Variants in COL4A6 observed in about 807,000 individuals in gnomAD.
COL4A6 encodes collagen type IV alpha 6 chain.
A neutral mutation model predicts 126.7 loss-of-function variants in COL4A6; 59 were observed. The ratio of observed to expected loss-of-function variants is 0.47; its 90% CI spans 0.38 to 0.58. The LOEUF (loss-of-function observed/expected upper bound fraction) is 0.58. COL4A6 is among the 20% of genes least tolerant of loss of function. COL4A6 has a pLI of 0.00. For synonymous variants in COL4A6, 547 were observed against 496.6 expected (o/e 1.10, Z -1.35); for missense variants, 1,285 against 1,337.3 (o/e 0.96, Z 0.61).
intron 13 of COL4A6, among the ~76,000 whole-genome samples, chrX:108,198,806 G>A (rs968712472): frequency 9.0e-5 from 10 of 111,313 alleles, no homozygotes; most frequent in Admixed American, 6.6e-4. Flanking sequence ...CTACCTAGTA[G>A]TTACCCCTAC....
At position 108,310,380 on chromosome X, in the gene COL4A6, A is replaced by ATTGGAACACC. The variant is rs752400854; in HGVS notation, c.144+358_144+367dup. On this transcript the variant is annotated intron_variant, in intron 3 of 44. Transcript: ENST00000334504. ...TCACATCCACAGTCTGTAGATAACAATTGGAACACCTGTTCCCCAGACTGG... is the reference window on the plus strand; with the variant it reads ...TCACATCCACAGTCTGTAGATAACAATTGGAACACCTTGGAACACCTGTTCCCCAGACTGG... Among the ~76,000 whole-genome samples, 38 of 112,232 alleles carry ATTGGAACACC rather than the reference A, an allele frequency of 3.4e-4. 1 individual carries two copies. The highest frequency in any genetic ancestry group is 1.2e-3 in the African/African-American group (36 of 30,953).
chrX:108,434,293 ATT>A (rs1033942220), intron 2 of COL4A6, among the ~76,000 whole-genome samples: 1 of 106,902 alleles, frequency 9.4e-6, no homozygotes, highest in East Asian at 3.0e-4. Context: ...TTAGAATACT[ATT>A]TTTTTTTTCC....
At chrX:108,409,577 A>C (rs1391510829) in intron 2 of COL4A6, among the ~76,000 whole-genome samples, 1 of 111,715 alleles carries the variant, frequency 9.0e-6, no homozygotes, top group Non-Finnish European at 1.9e-5. Flanking sequence ...GAAGTGGAAA[A>C]GCTGGAATAG....
intron 3 of COL4A6, among the ~76,000 whole-genome samples, chrX:108,262,341 G>A (rs1602953020): frequency 9.0e-6 from 1 of 111,223 alleles, no homozygotes; most frequent in East Asian, 2.8e-4. Flanking sequence ...TGAAGAGCTG[G>A]TCCTCTCAAC....
intron 2 of COL4A6, among the ~76,000 whole-genome samples, chrX:108,386,830 A>T (rs1476089733): frequency 8.9e-6 from 1 of 111,919 alleles, no homozygotes; most frequent in Non-Finnish European, 1.9e-5. Context: ...GCTTTCTTCT[A>T]GGGTTTTTAT....
chrX:108,245,250 A>G (rs1220578155), intron 3 of COL4A6, among the ~76,000 whole-genome samples: 2 of 112,162 alleles, frequency 1.8e-5, no homozygotes, highest in Non-Finnish European at 3.8e-5. Context: ...CTGCAGTTTG[A>G]TCCTCCTTCC....
intron 13 of COL4A6, among the ~76,000 whole-genome samples, chrX:108,197,321 A>C (rs762862552): frequency 6.3e-5 from 7 of 111,819 alleles, no homozygotes; most frequent in Non-Finnish European, 1.1e-4. Context: ...CAAGAAGCAG[A>C]GTGAGTAAGA....
At chrX:108,188,428 G>A (rs1352042975) in intron 21 of COL4A6, 89 bp downstream of exon 21, 3 of 917,156 alleles carry the variant, frequency 3.3e-6, no homozygotes, top group Non-Finnish European at 4.3e-6. Flanking sequence ...CATCTCTCTT[G>A]TATGTGCTTT....
At chrX:108,195,261 A>C in intron 14 of COL4A6, 135 bp from the exon 15 acceptor site, 1 of 397,956 alleles carries the variant, frequency 2.5e-6, no homozygotes, top group Non-Finnish European at 4.3e-6. Flanking sequence ...ATGTTCCTAG[A>C]CCTAGCTTAA....
intron 22 of COL4A6, 81 bp downstream of exon 22, chrX:108,187,767 T>C: frequency 1.1e-6 from 1 of 942,085 alleles, no homozygotes; most frequent in South Asian, 3.1e-5. Context: ...CCCTGTTTCA[T>C]GGTCCAGTGG....
At chrX:108,221,958 T>C (rs138976399) in intron 3 of COL4A6, among the ~76,000 whole-genome samples, 1 of 112,578 alleles carries the variant, frequency 8.9e-6, no homozygotes, top group African/African-American at 3.2e-5. Context: ...CACATGCACA[T>C]ATACACACAT....
rs1269065807 is a variant in COL4A6 at position 108,169,635 on chromosome X, A to G, written c.3566-15T>C. The G allele has an allele frequency of 2.9e-5, 35 of 1,200,253 alleles. No homozygotes were observed. Among genetic ancestry groups the G allele is most frequent in the Non-Finnish European group, 3.8e-5 (34 of 889,920 alleles). On this transcript the variant is annotated splice_polypyrimidine_tract_variant and intron_variant, in intron 36 of 44. Transcript: ENST00000334504. ...GATACTAGGTCCTAGGAGGAGATGC[A>G]GGGGTAGGGGGCAGACCTCAGTGGA...
Position 108,199,624 on chromosome X carries a change from GAAA to G in COL4A6, c.835-3048_835-3046del, listed in dbSNP as rs758181254. On this transcript the variant is annotated intron_variant, in intron 13 of 44. Coordinates refer to ENST00000334504, the MANE Select transcript of COL4A6 (RefSeq NM_033641.4). Reference sequence around the variant, plus strand: ...CTGAAACACTGGAAATACTGAGTTTGAAATGGTACTGCAATTTATCACCGTGCA... The same window carrying G: ...CTGAAACACTGGAAATACTGAGTTTGTGGTACTGCAATTTATCACCGTGCA... Among the ~76,000 whole-genome samples the G allele has an allele frequency of 3.6e-5, 4 of 111,882 alleles. No individual in the cohort carries two copies. The East Asian group carries it at 1.1e-3, about 32-fold the overall frequency.
chrX:108,162,256 G>A (rs555943170), intron 41 of COL4A6, among the ~76,000 whole-genome samples: 34 of 110,349 alleles, frequency 3.1e-4, no homozygotes, highest in Admixed American at 1.2e-3. Flanking sequence ...AGGCTGAGGC[G>A]GGAGAATCAC....
Position 108,217,775 on chromosome X carries a change from A to G in COL4A6, c.324+1923T>C, listed in dbSNP as rs749483106. Among the ~76,000 whole-genome samples the G allele has an allele frequency of 1.3e-4, 14 of 111,926 alleles. No homozygotes were observed. In the South Asian group the frequency reaches 5.3e-3, roughly 43 times the overall value. Reference sequence around the variant, plus strand: ...ACAAGAAAGTGGGATTTTATGGAGTAATGAGGTTTGGAGCCTGCAGCTAGG... The same window carrying G: ...ACAAGAAAGTGGGATTTTATGGAGTGATGAGGTTTGGAGCCTGCAGCTAGG... On this transcript the variant is annotated intron_variant, in intron 5 of 44. Coordinates refer to ENST00000334504, the MANE Select transcript of COL4A6 (RefSeq NM_033641.4).
chrX:108,300,398 G>T (rs776842811), intron 3 of COL4A6, among the ~76,000 whole-genome samples: 2 of 100,775 alleles, frequency 2.0e-5, no homozygotes, highest in South Asian at 9.6e-4. Flanking sequence ...GTGTGTGTGT[G>T]TATTCAGGAA....
At chrX:108,373,725 C>A (rs995530242) in intron 2 of COL4A6, among the ~76,000 whole-genome samples, 2 of 111,892 alleles carry the variant, frequency 1.8e-5, no homozygotes, top group African/African-American at 6.5e-5. Context: ...ATCAGTCAAG[C>A]CTGTCACCTT....
intron 2 of COL4A6, among the ~76,000 whole-genome samples, chrX:108,406,915 G>T (rs2041218784): frequency 9.0e-6 from 1 of 111,621 alleles, no homozygotes; most frequent in Non-Finnish European, 1.9e-5. Context: ...AACTAATATG[G>T]GTGATGGTGA....
chrX:108,329,096 G>A (rs771299864), intron 2 of COL4A6, among the ~76,000 whole-genome samples: 9 of 111,333 alleles, frequency 8.1e-5, no homozygotes, highest in Non-Finnish European at 1.3e-4. Context: ...GAGAGAAGTT[G>A]GTCAATGGAT....
Sources: gnomAD v4.1 joint callset for allele counts (sites outside exome capture counted in the v4.1 genomes callset) on GRCh38, gnomAD v4.1.1 for gene constraint, MANE v1.5 for transcripts, NCBI Gene and HGNC (gene_info 2026-07-23, HGNC 2026-07-21) for gene names.